The following FRAS1 variants were observed in gnomAD, a reference collection of about 807,000 sequenced individuals.
The protein encoded by FRAS1 is Fraser extracellular matrix complex subunit 1.
A neutral mutation model predicts 435.2 loss-of-function variants in FRAS1; 290 were observed. The ratio of observed to expected loss-of-function variants is 0.67; its 90% CI spans 0.61 to 0.73. The LOEUF (loss-of-function observed/expected upper bound fraction) is 0.73. Among genes scored for constraint, FRAS1 ranks in the 30% least tolerant of loss-of-function variants. The probability of loss-of-function intolerance (pLI) is 0.00; values close to 1 mark genes in which losing one functional copy is unlikely to be tolerated. For synonymous variants in FRAS1, 1,800 were observed against 1,851.0 expected, an observed-to-expected ratio of 0.97 and a Z score of 0.71; for missense variants, 4,860 against 5,001.5, an observed-to-expected ratio of 0.97 and a Z score of 0.85.
chr4:78,514,214 T>C (rs1721135602), intron 65 of FRAS1, among the ~76,000 whole-genome samples: 1 of 152,226 alleles, frequency 6.6e-6, no homozygotes, highest in African/African-American at 2.4e-5. Context: ...GCTAAGTCAC[T>C]GGATGCAGGC....
At chr4:78,168,818 G>A (rs367699164) in intron 2 of FRAS1, among the ~76,000 whole-genome samples, 1 of 152,080 alleles carries the variant, frequency 6.6e-6, no homozygotes, top group African/African-American at 2.4e-5. Flanking sequence ...CTTTAATAAA[G>A]AGGCTAGGCA....
intron 58 of FRAS1, among the ~76,000 whole-genome samples, chr4:78,485,616 G>A (rs1324359090): frequency 6.6e-6 from 1 of 152,100 alleles, no homozygotes; most frequent in African/African-American, 2.4e-5. Flanking sequence ...AACTTTTGTT[G>A]AGTCCATTCA....
chr4:78,162,858 C>A (rs972095061), intron 2 of FRAS1, among the ~76,000 whole-genome samples: 5 of 152,152 alleles, frequency 3.3e-5, no homozygotes, highest in African/African-American at 1.2e-4. Context: ...TCAGTGTAAA[C>A]CATCCTGTAC....
chr4:78,451,756 T>C lies in FRAS1; in HGVS notation c.6464-16T>C. ...AAGCACTAATAGCAAATCTTGATTT[T>C]TTTTCCTTTTTATAGGCCACGTAGA... is the stretch of plus-strand genomic sequence containing the variant. On this transcript the variant is annotated splice_polypyrimidine_tract_variant and intron_variant, in intron 45 of 73. Coordinates refer to ENST00000512123, the MANE Select transcript of FRAS1 (RefSeq NM_025074.7). 6.3e-7 allele frequency: 1 copy of C among 1,575,228 alleles called. No individual in the cohort carries two copies. Among genetic ancestry groups the C allele is most frequent in the Non-Finnish European group, 8.6e-7 (1 of 1,164,816 alleles).
At chr4:78,356,247 G>A (rs999002148) in intron 20 of FRAS1, among the ~76,000 whole-genome samples, 4 of 152,124 alleles carry the variant, frequency 2.6e-5, no homozygotes, top group Non-Finnish European at 5.9e-5. Flanking sequence ...CTCCTGGCCT[G>A]AAGTGGATTT....
intron 2 of FRAS1, among the ~76,000 whole-genome samples, chr4:78,224,062 G>C (rs1272720328): frequency 1.3e-5 from 2 of 152,174 alleles, no homozygotes; most frequent in Admixed American, 6.5e-5. Context: ...TTGAGAGTCA[G>C]GCTGCTGAGA....
intron 50 of FRAS1, 126 bp downstream of exon 50, chr4:78,466,561 G>A (rs1288776313): frequency 3.0e-6 from 2 of 674,858 alleles, no homozygotes; most frequent in African/African-American, 1.8e-5. Flanking sequence ...ATTGACCTTG[G>A]GCAAATTACA....
At chr4:78,536,966 A>G (rs1721904785) in intron 71 of FRAS1, 29 bp from the exon 72 acceptor site, 2 of 1,579,734 alleles carry the variant, frequency 1.3e-6, no homozygotes, top group South Asian at 2.2e-5. Flanking sequence ...TTAAAGTCTG[A>G]CCTAATTAAT....
chr4:78,291,563 T>A (rs1402210092), intron 14 of FRAS1, among the ~76,000 whole-genome samples: 3 of 152,136 alleles, frequency 2.0e-5, no homozygotes, highest in Non-Finnish European at 4.4e-5. Flanking sequence ...TAGAAAGCCC[T>A]TCATATAAGT....
At chr4:78,482,624 C>A in intron 58 of FRAS1, 89 bp downstream of exon 58, 1 of 1,356,354 alleles carries the variant, frequency 7.4e-7, no homozygotes. Context: ...AACTCATTCA[C>A]ATTTTCATTC....
At chr4:78,356,505 C>T (rs1346666203) in intron 20 of FRAS1, among the ~76,000 whole-genome samples, 3 of 152,164 alleles carry the variant, frequency 2.0e-5, no homozygotes, top group Non-Finnish European at 1.5e-5. Context: ...TGTTTTTCTT[C>T]CTTCTCAAGG....
At position 78,057,448 on chromosome 4, in the gene FRAS1, G is replaced by C. The variant is rs1356036257; in HGVS notation, c.-562G>C. 6.5e-6 allele frequency: 1 copy of C among 153,148 alleles called. No homozygotes were observed. The highest frequency in any genetic ancestry group is 2.4e-5 in the African/African-American group (1 of 41,458). 9.5% of individuals were successfully genotyped at this position (153,148 alleles called of 1,614,324 possible). On this transcript the variant is annotated 5_prime_UTR_variant, in exon 1 of 74. Transcript: ENST00000512123. This position sits in a 1 kb window ranked among gnomAD's most constrained non-coding sequence, Gnocchi z 4.2. ...CAGCGCTGCACAGTTTCCAGCGAGC[G>C]GACCCCGGCAGATGAGGTCTGCCGA...
intron 2 of FRAS1, among the ~76,000 whole-genome samples, chr4:78,124,217 T>A (rs911942469): frequency 6.6e-6 from 1 of 152,208 alleles, no homozygotes; most frequent in Non-Finnish European, 1.5e-5. Flanking sequence ...CTTTTCTGCA[T>A]CTATTGAGAT....
intron 2 of FRAS1, among the ~76,000 whole-genome samples, chr4:78,105,223 T>A (rs907347576): frequency 1.3e-5 from 2 of 152,200 alleles, no homozygotes; most frequent in Non-Finnish European, 2.9e-5. Context: ...TGGGAATACT[T>A]GCCTTCCACA....
At chr4:78,388,698 C>T (rs1483617543) in intron 29 of FRAS1, among the ~76,000 whole-genome samples, 2 of 150,782 alleles carry the variant, frequency 1.3e-5, no homozygotes, top group African/African-American at 4.9e-5. Context: ...GTCTCCACTA[C>T]TCAGAAGGCT....
intron 2 of FRAS1, among the ~76,000 whole-genome samples, chr4:78,133,283 A>G (rs1039502144): frequency 6.6e-6 from 1 of 151,512 alleles, no homozygotes; most frequent in East Asian, 2.0e-4. Flanking sequence ...CAAACATTGC[A>G]TGTTCTCACT....
chr4:78,356,410 C>T (rs1442400736), intron 20 of FRAS1, among the ~76,000 whole-genome samples: 1 of 152,164 alleles, frequency 6.6e-6, no homozygotes, highest in Non-Finnish European at 1.5e-5. Flanking sequence ...CCAAATTCCA[C>T]TTTGTTTTCC....
chr4:78,377,867 C>T (rs548280801), intron 26 of FRAS1, among the ~76,000 whole-genome samples: 5 of 151,384 alleles, frequency 3.3e-5, no homozygotes, highest in African/African-American at 1.2e-4. Flanking sequence ...GGCAGTGGAG[C>T]CCAACTGTCA....
In FRAS1 at chr4:78,128,358, C is replaced by A. The variant is rs1035584099; in HGVS notation, c.108+62342C>A. ...CTTCCACAATGGTTGAACTAGTTTA[C>A]AGTCCCACCAACAGTGTAAACATGT... On this transcript the variant is annotated intron_variant, in intron 2 of 73. Transcript: ENST00000512123. 2.3e-4 allele frequency among the ~76,000 whole-genome samples: 35 copies of A among 152,198 alleles called. 1 individual carries two copies. Among genetic ancestry groups the A allele is most frequent in the Admixed American group, 1.8e-3 (27 of 15,284 alleles).
Sources: gnomAD v4.1 joint callset for allele counts (sites outside exome capture counted in the v4.1 genomes callset) on GRCh38, gnomAD v4.1.1 for gene constraint, Gnocchi (gnomAD v3.1) non-coding constraint, MANE v1.5 for transcripts, NCBI Gene and HGNC (gene_info 2026-07-23, HGNC 2026-07-21) for gene names.